SLC45A4: variants seen among roughly 807,000 people sequenced by gnomAD.
SLC45A4 encodes polyamine-transporter SLC45A4.
In SLC45A4, 32 loss-of-function variants were observed where a neutral mutation model predicts 63.7. The observed-to-expected ratio is 0.50, with a 90% CI of 0.38 to 0.67. The LOEUF is 0.67. Among genes scored for constraint, SLC45A4 ranks in the 30% least tolerant of loss-of-function variants. The probability of loss-of-function intolerance (pLI) is 0.00; values close to 1 mark genes in which losing one functional copy is unlikely to be tolerated. For missense variants in SLC45A4, 1,027 were observed against 1,157.7 expected (o/e 0.89, Z 1.64); for synonymous variants, 535 against 510.0 (o/e 1.05, Z -0.66).
chr8:141,302,280 GAC>G, intron 1 of SLC45A4, among the ~76,000 whole-genome samples: 1 of 152,072 alleles, frequency 6.6e-6, no homozygotes, highest in African/African-American at 2.4e-5. Flanking sequence ...TTTAGATGGA[GAC>G]AGAGGCTTGC....
chr8:141,234,037 G>A (rs1827496808), intron 2 of SLC45A4, among the ~76,000 whole-genome samples: 1 of 152,250 alleles, frequency 6.6e-6, no homozygotes, highest in Non-Finnish European at 1.5e-5. Context: ...AGGCTTTTAT[G>A]AGAACTGAGT....
intron 1 of SLC45A4, among the ~76,000 whole-genome samples, chr8:141,305,263 C>T (rs1464524490): frequency 6.6e-6 from 1 of 152,174 alleles, no homozygotes; most frequent in East Asian, 1.9e-4. Context: ...GAGGTGCAGC[C>T]GCTCAGGTCC....
rs200771454 is a variant in SLC45A4 at position 141,218,043 on chromosome 8, T to C, written c.1597A>G (p.Met533Val). The C allele has an allele frequency of 6.1e-4, 975 of 1,611,020 alleles. 1 individual carries two copies. Among genetic ancestry groups the C allele is most frequent in the Middle Eastern group, 1.2e-3 (7 of 6,060 alleles). ...TCGCCTTCGAAGATGACCTGGCCCA[T>C]GAAGTCGGTGTAGAACACGGCCTCG... is the stretch of plus-strand genomic sequence containing the variant. ...IAEAVFYTDF[M>V]GQVIFEGDPK... Residue 533 changes from methionine to valine, a missense_variant, in exon 5 of 9, where the codon ATG becomes GTG. Physicochemically the swap from Met to Val is conservative, Grantham distance 21. Transcript: ENST00000517878.
intron 1 of SLC45A4, among the ~76,000 whole-genome samples, chr8:141,288,523 T>C (rs565200843): frequency 1.3e-5 from 2 of 152,368 alleles, no homozygotes; most frequent in Admixed American, 1.3e-4. Context: ...CACACTTCTC[T>C]TGCCCCACCA....
intron 2 of SLC45A4, among the ~76,000 whole-genome samples, chr8:141,248,435 G>C (rs1828316687): frequency 1.3e-5 from 2 of 152,052 alleles, no homozygotes; most frequent in African/African-American, 4.8e-5. Flanking sequence ...TAGGTGTGGT[G>C]GTGCGTACCT....
intron 2 of SLC45A4, 28 bp from the exon 3 acceptor site, chr8:141,221,793 AC>A: frequency 6.2e-7 from 1 of 1,601,840 alleles, no homozygotes. Context: ...GCCGTCGCAC[AC>A]GCAGGCACTG....
At chr8:141,268,367 T>C (rs1242664019) in intron 1 of SLC45A4, among the ~76,000 whole-genome samples, 1 of 152,160 alleles carries the variant, frequency 6.6e-6, no homozygotes, top group Non-Finnish European at 1.5e-5. Flanking sequence ...GGCACTCTAA[T>C]GGCAGACGCA....
chr8:141,306,227 C>T (rs1191634005), intron 1 of SLC45A4, among the ~76,000 whole-genome samples: 2 of 152,168 alleles, frequency 1.3e-5, no homozygotes, highest in Non-Finnish European at 2.9e-5. Flanking sequence ...CCTGTGAACA[C>T]CTGGGCCAAA....
At chr8:141,284,886 T>C (rs1830081486) in intron 1 of SLC45A4, among the ~76,000 whole-genome samples, 1 of 149,472 alleles carries the variant, frequency 6.7e-6, no homozygotes, top group African/African-American at 2.5e-5. Context: ...GCCCCGCCCC[T>C]GTCCCTGCCA....
At chr8:141,266,104 C>T (rs1177549839) in intron 1 of SLC45A4, among the ~76,000 whole-genome samples, 1 of 152,188 alleles carries the variant, frequency 6.6e-6, no homozygotes, top group Non-Finnish European at 1.5e-5. Context: ...TTCAGATCTA[C>T]AGCACAGTCC....
At chr8:141,299,702 T>C (rs990047673) in intron 1 of SLC45A4, among the ~76,000 whole-genome samples, 4 of 152,222 alleles carry the variant, frequency 2.6e-5, no homozygotes, top group South Asian at 2.1e-4. Context: ...GGGAGCGGAT[T>C]TGCATACTGA....
intron 2 of SLC45A4, among the ~76,000 whole-genome samples, chr8:141,250,401 G>GGT (rs1555572840): frequency 7.0e-6 from 1 of 143,730 alleles, no homozygotes; most frequent in Non-Finnish European, 1.5e-5. Context: ...GGTGTGAGTG[G>GGT]TTTTTTTTTT....
intron 7 of SLC45A4, 109 bp from the exon 8 acceptor site, chr8:141,212,665 C>CA: frequency 7.4e-7 from 1 of 1,355,850 alleles, no homozygotes; most frequent in East Asian, 2.5e-5. Context: ...ACCCGTCTTC[C>CA]ACCGAGTCTC....
In SLC45A4 at chr8:141,226,825, G is replaced by A. The variant is rs527576328; in HGVS notation, c.242-5060C>T. On this transcript the variant is annotated intron_variant, in intron 2 of 8. Transcript: ENST00000517878. ...CCAGCACCTGAGGCAGCACGGCCACGGGACGCCTGCCGGGTGCCCACAGAG... is the reference window on the plus strand; with the variant it reads ...CCAGCACCTGAGGCAGCACGGCCACAGGACGCCTGCCGGGTGCCCACAGAG... 8 of 152,408 alleles carry A rather than the reference G, an allele frequency of 5.2e-5. No homozygotes were observed. In the East Asian group the frequency reaches 1.2e-3, roughly 22 times the overall value. The allele number at this position is 152,408 out of a possible 1,614,324, so 9.4% of individuals were successfully genotyped here.
Position 141,218,214 on chromosome 8 carries a change from C to T in SLC45A4, c.1426G>A (p.Ala476Thr). The change falls in exon 5 of 9, where the codon GCC becomes ACC. Residue 476 changes from alanine to threonine, a missense_variant. Ala to Thr is a moderately conservative substitution (Grantham distance 58). Transcript: ENST00000517878. The stretch of plus-strand genomic sequence containing the variant: ...TCGGTGTCCCCGCTGGAGGTGGTGG[C>T]CCCGCTCTGGTTCCGGTGCCGGTGC... ...RQHRHRNQSGATTSSGDTESE... is the reference protein window; with the variant it reads ...RQHRHRNQSGTTTSSGDTESE... 1.9e-6 allele frequency: 3 copies of T among 1,602,594 alleles called. No homozygotes were observed. Among genetic ancestry groups the T allele is most frequent in the Non-Finnish European group, 1.7e-6 (2 of 1,179,782 alleles).
chr8:141,256,746 G>A lies in SLC45A4; in HGVS notation c.-400-2117C>T, dbSNP rs1210416041. The A allele has an allele frequency of 2.5e-6, 1 of 399,788 alleles. No individual in the cohort carries two copies. Among genetic ancestry groups the A allele is most frequent in the Admixed American group, 2.8e-5 (1 of 36,150 alleles). 24.8% of individuals were successfully genotyped at this position (399,788 alleles called of 1,614,324 possible). A position where few individuals can be genotyped will look rare whatever the true frequency, so the allele number is the denominator to read the frequency against. On this transcript the variant is annotated intron_variant, in intron 1 of 8. Coordinates refer to ENST00000517878, the MANE Select transcript of SLC45A4 (RefSeq NM_001286646.2). The surrounding 1 kb of genome is among the most constrained non-coding windows in gnomAD (Gnocchi z 4.3). ...TACGATTCCACACGACAGCCCTCGAGAATTCTTTCAAGTTTTCCAAATGTC... is the reference window on the plus strand; with the variant it reads ...TACGATTCCACACGACAGCCCTCGAAAATTCTTTCAAGTTTTCCAAATGTC...
chr8:141,280,685 C>T (rs190475075), intron 1 of SLC45A4, among the ~76,000 whole-genome samples: 1 of 150,702 alleles, frequency 6.6e-6, no homozygotes, highest in African/African-American at 2.5e-5. Context: ...CCCACCCGTA[C>T]CTCCACCATG....
chr8:141,236,060 C>T (rs537662156), intron 2 of SLC45A4, among the ~76,000 whole-genome samples: 3 of 152,230 alleles, frequency 2.0e-5, no homozygotes, highest in Admixed American at 6.5e-5. Context: ...GCCGAGATCA[C>T]GCCACTGCAC....
chr8:141,307,417 C>T (rs891546696), intron 1 of SLC45A4, among the ~76,000 whole-genome samples: 2 of 152,090 alleles, frequency 1.3e-5, no homozygotes, highest in African/African-American at 4.8e-5. Flanking sequence ...CCGATGAGAC[C>T]GGGGCAGAGC....
Sources: allele counts gnomAD v4.1 joint callset (sites outside exome capture counted in the v4.1 genomes callset), GRCh38; gene constraint gnomAD v4.1.1; non-coding constraint Gnocchi (gnomAD v3.1); transcripts MANE v1.5; gene names NCBI Gene and HGNC (gene_info 2026-07-23, HGNC 2026-07-21).